The following DISP3 variants were observed in gnomAD, a reference collection of about 807,000 sequenced individuals.
The protein encoded by DISP3 is protein dispatched homolog 3.
A neutral mutation model predicts 135.3 loss-of-function variants in DISP3; 101 were observed. The observed-to-expected ratio is 0.75, with a 90% CI of 0.64 to 0.88. The LOEUF (loss-of-function observed/expected upper bound fraction) is 0.88, where lower values mean the gene tolerates loss of function less well. Ranked by LOEUF, DISP3 falls within the 40% of genes least tolerant of loss-of-function variation. The pLI, the probability that DISP3 is intolerant of heterozygous loss-of-function variation, is 0.00. For synonymous variants in DISP3, 856 were observed against 817.0 expected (o/e 1.05, Z -0.81); for missense variants, 1,713 against 1,878.6 (o/e 0.91, Z 1.63).
At chr1:11,492,971 TC>T (rs1641230262) in intron 1 of DISP3, among the ~76,000 whole-genome samples, 1 of 152,202 alleles carries the variant, frequency 6.6e-6, no homozygotes, top group Non-Finnish European at 1.5e-5. Context: ...AGGATGGGGC[TC>T]CCTGCTTCAC....
chr1:11,501,142 C>T lies in DISP3; in HGVS notation c.150C>T (p.Pro50=), dbSNP rs1387280848. 1.9e-6 allele frequency: 3 copies of T among 1,613,898 alleles called. No individual in the cohort carries two copies. The highest frequency in any genetic ancestry group is 2.2e-5 in the East Asian group (1 of 44,864). ...AGGQCCWRHW[P]LASRPPASGF... is the part of the protein sequence containing the mutation. ...GACAGTGTTGCTGGCGGCACTGGCC[C>T]CTGGCTTCCCGACCCCCAGCTTCGG... The change falls in exon 2 of 21, where the codon CCC becomes CCT. Residue 50 remains proline (P), a synonymous_variant. Transcript: ENST00000294484. The surrounding 1 kb of genome is among the most constrained non-coding windows in gnomAD (Gnocchi z 4.9).
intron 1 of DISP3, among the ~76,000 whole-genome samples, chr1:11,487,151 G>A (rs1198713012): frequency 6.6e-6 from 1 of 152,228 alleles, no homozygotes; most frequent in Non-Finnish European, 1.5e-5. Context: ...ATGGACAAAG[G>A]GAAGGGTCCT....
Position 11,502,498 on chromosome 1 carries a change from G to A in DISP3, c.1097-180G>A, listed in dbSNP as rs189065289. Among the ~76,000 whole-genome samples, 498 of 152,282 alleles carry A rather than the reference G, an allele frequency of 3.3e-3. 17 individuals are homozygous for A. The highest frequency in any genetic ancestry group is 0.03 in the Admixed American group (463 of 15,294). ...TTCGTTTTAGGTAAATTAGGGATGG[G>A]GCTTGAGGAAGGGTGGGGCAGGGTC... On this transcript the variant is annotated intron_variant, in intron 2 of 20. Transcript: ENST00000294484.
Position 11,531,156 on chromosome 1 carries a change from G to A in DISP3, c.3229+123G>A, listed in dbSNP as rs1317144520. 1 of 1,462,292 alleles carries A rather than the reference G, an allele frequency of 6.8e-7. No homozygotes were observed. Among genetic ancestry groups the A allele is most frequent in the Non-Finnish European group, 9.3e-7 (1 of 1,080,614 alleles). 90.6% of individuals were successfully genotyped at this position (1,462,292 alleles called of 1,614,324 possible). A position where few individuals can be genotyped will look rare whatever the true frequency, so the allele number is the denominator to read the frequency against. Reference sequence around the variant, plus strand: ...GTCTGGCATGTGGGGGTCTTTTGCAGATGTGTATCTGTGCTGAGCATGTCC... The same window carrying A: ...GTCTGGCATGTGGGGGTCTTTTGCAAATGTGTATCTGTGCTGAGCATGTCC... On this transcript the variant is annotated intron_variant, in intron 16 of 20. Coordinates refer to ENST00000294484, the MANE Select transcript of DISP3 (RefSeq NM_020780.2). This position sits in a 1 kb window ranked among gnomAD's most constrained non-coding sequence, Gnocchi z 5.2.
At chr1:11,525,337 A>G (rs1642382583) in intron 12 of DISP3, 25 bp downstream of exon 12, 1 of 1,602,040 alleles carries the variant, frequency 6.2e-7, no homozygotes, top group African/African-American at 1.3e-5. Flanking sequence ...TCGTGAAGTG[A>G]GCCGCCACCA....
chr1:11,485,407 G>A (rs1641011168), intron 1 of DISP3, among the ~76,000 whole-genome samples: 1 of 152,224 alleles, frequency 6.6e-6, no homozygotes, highest in East Asian at 1.9e-4. Flanking sequence ...TGGATGATGT[G>A]TCCTTTGCCA....
intron 3 of DISP3, among the ~76,000 whole-genome samples, chr1:11,507,142 TTCCTCCAGAGA>T (rs1323388285): frequency 6.6e-6 from 1 of 152,162 alleles, no homozygotes; most frequent in East Asian, 1.9e-4. Flanking sequence ...ACGATGTTAT[TTCCTCCAGAGA>T]AAATTTATCC....
intron 6 of DISP3, among the ~76,000 whole-genome samples, 193 bp from the exon 7 acceptor site, chr1:11,517,270 C>G (rs1168175314): frequency 6.6e-6 from 1 of 152,220 alleles, no homozygotes; most frequent in Non-Finnish European, 1.5e-5. Flanking sequence ...CTGCTGTGTC[C>G]TCTGACACCA....
chr1:11,534,969 C>T (rs748721067), intron 18 of DISP3, 42 bp from the exon 19 acceptor site: 13 of 1,512,848 alleles, frequency 8.6e-6, no homozygotes, highest in African/African-American at 2.7e-5. Flanking sequence ...TTGCTGCGAC[C>T]GCCCACACAG....
In DISP3 at chr1:11,522,639, A is replaced by AGCCAGAGCCCAGCCAGG. The variant is rs1642246832; in HGVS notation, c.2363-1300_2363-1299insAGAGCCCAGCCAGGGCC. Among the ~76,000 whole-genome samples, 2 of 50,084 alleles carry AGCCAGAGCCCAGCCAGG rather than the reference A, an allele frequency of 4.0e-5. 1 individual carries two copies. Among genetic ancestry groups the AGCCAGAGCCCAGCCAGG allele is most frequent in the African/African-American group, 1.7e-4 (2 of 11,540 alleles). The allele number at this position is 50,084 out of a possible 152,430, so 32.9% of individuals were successfully genotyped here. ...CAGGACCCAGCCAGAGCCCAGCCAG[A>AGCCAGAGCCCAGCCAGG]GCCCAGCCAGGGCCCAGCCAGAGCC... is the stretch of plus-strand genomic sequence containing the variant. On this transcript the variant is annotated intron_variant, in intron 10 of 20. Coordinates refer to ENST00000294484, the MANE Select transcript of DISP3 (RefSeq NM_020780.2).
chr1:11,520,775 T>C lies in DISP3; in HGVS notation c.2289T>C (p.Asp763=), dbSNP rs748827868. ...GGGCCCCGCTACTCTTCCGGCCTGA[T>C]ACCAACATCCAGGTGCTGCTGGACC... is the stretch of plus-strand genomic sequence containing the variant. The part of the protein sequence containing the change: ...ASRAPLLFRP[D]TNIQVLLDLK... Residue 763 remains aspartate (D), a synonymous_variant, in exon 10 of 21, where the codon GAT becomes GAC. Transcript: ENST00000294484. This position sits in a 1 kb window ranked among gnomAD's most constrained non-coding sequence, Gnocchi z 4.8. The C allele has an allele frequency of 6.2e-7, 1 of 1,613,566 alleles. No individual in the cohort carries two copies. Among genetic ancestry groups the C allele is most frequent in the Non-Finnish European group, 8.5e-7 (1 of 1,179,986 alleles).
Position 11,501,130 on chromosome 1 carries a change from G to A in DISP3, c.138G>A (p.Trp46Ter). The change falls in exon 2 of 21, where the codon TGG (tryptophan) becomes TGA (stop). Residue 46 changes from tryptophan to a stop codon, truncating the protein, a stop_gained. Transcript: ENST00000294484. LOFTEE classifies it high-confidence loss of function. The surrounding 1 kb of genome is among the most constrained non-coding windows in gnomAD (Gnocchi z 4.9). ...CTGGGGCAGGGGGACAGTGTTGCTG[G>A]CGGCACTGGCCCCTGGCTTCCCGAC... The part of the protein sequence containing the change: ...PQPGAGGQCC[W>*]RHWPLASRPP... 6.2e-7 allele frequency: 1 copy of A among 1,613,890 alleles called. No homozygotes were observed. The highest frequency in any genetic ancestry group is 8.5e-7 in the Non-Finnish European group (1 of 1,179,894).
At chr1:11,514,046 G>A (rs1641930872) in intron 3 of DISP3, among the ~76,000 whole-genome samples, 1 of 152,046 alleles carries the variant, frequency 6.6e-6, no homozygotes, top group Non-Finnish European at 1.5e-5. Context: ...TTTAGAACTT[G>A]GCCATAGATA....
rs760164658 is a variant in DISP3, at chr1:11,531,709, C to T, written c.3374C>T (p.Ser1125Leu). 4.4e-6 allele frequency: 7 copies of T among 1,596,876 alleles called. No individual in the cohort carries two copies. The highest frequency in any genetic ancestry group is 1.7e-5 in the Admixed American group (1 of 58,958). Residue 1125 changes from serine (S) to leucine (L), a missense_variant and splice_region_variant, in exon 17 of 21, where the codon TCG becomes TTG. Coordinates refer to ENST00000294484, the MANE Select transcript of DISP3 (RefSeq NM_020780.2). The surrounding 1 kb of genome is among the most constrained non-coding windows in gnomAD (Gnocchi z 5.2). ...RVQWISMAFE[S>L]TTYKGKSSFQ... ...CAGTGGATCTCCATGGCTTTCGAGT[C>T]GGTGAGCCCAGGCAGCCTCACTGGG...
At chr1:11,495,647 G>C (rs1641311118) in intron 1 of DISP3, among the ~76,000 whole-genome samples, 1 of 152,162 alleles carries the variant, frequency 6.6e-6, no homozygotes, top group Admixed American at 6.5e-5. Flanking sequence ...CATTGGACAA[G>C]GTATACTCAG....
At position 11,501,022 on chromosome 1, in the gene DISP3, G is replaced by C. The variant is rs770578769; in HGVS notation, c.30G>C (p.Gln10His). 2.5e-6 allele frequency: 4 copies of C among 1,614,006 alleles called. No homozygotes were observed. The highest frequency in any genetic ancestry group is 3.4e-6 in the Non-Finnish European group (4 of 1,180,036). MDTEDDPLL[Q>H]DVWLEEEQEE... ...ACACGGAGGATGACCCCTTGCTGCA[G>C]GATGTGTGGCTAGAGGAGGAGCAGG... The change falls in exon 2 of 21, where the codon CAG (glutamine) becomes CAC (histidine). Residue 10 changes from glutamine to histidine, a missense_variant. Physicochemically the swap from Gln to His is conservative, Grantham distance 24 (BLOSUM62 0). This residue lies in a region of DISP3 where 571 missense variants were observed against 494.1 expected (regional missense o/e 1.16). Transcript: ENST00000294484. This position sits in a 1 kb window ranked among gnomAD's most constrained non-coding sequence, Gnocchi z 4.9.
At position 11,536,593 on chromosome 1, in the gene DISP3, C is replaced by T. The variant is rs550863336; in HGVS notation, c.4086C>T (p.Ala1362=). ...TRTSFLKALG[A]VLLAGALGLG... ...CTTCCTTCCTCAAGGCCCTGGGTGC[C>T]GTGCTGCTGGCAGGGGCCCTGGGGC... The change falls in exon 21 of 21, where the codon GCC becomes GCT. Residue 1362 remains alanine, a synonymous_variant. Transcript: ENST00000294484. The surrounding 1 kb of genome is among the most constrained non-coding windows in gnomAD (Gnocchi z 4.3). The T allele has an allele frequency of 1.0e-4, 164 of 1,611,662 alleles. No homozygotes were observed. Among genetic ancestry groups the T allele is most frequent in the African/African-American group, 1.2e-4 (9 of 75,012 alleles).
At chr1:11,530,840 T>G (rs1570148335) in intron 15 of DISP3, 67 bp from the exon 16 acceptor site, 1 of 1,590,258 alleles carries the variant, frequency 6.3e-7, no homozygotes, top group Admixed American at 1.7e-5. Context: ...GGGTTGGGGG[T>G]GAGCACCCAG....
intron 13 of DISP3, 60 bp downstream of exon 13, chr1:11,526,895 C>T: frequency 6.6e-7 from 1 of 1,521,916 alleles, no homozygotes; most frequent in South Asian, 1.2e-5. Context: ...TTGCCCTTTT[C>T]TCTCTTTTCT....
Sources: gnomAD v4.1 joint callset for allele counts (sites outside exome capture counted in the v4.1 genomes callset) on GRCh38, gnomAD v4.1.1 for gene constraint, gnomAD v4.1.1 regional missense constraint, Gnocchi (gnomAD v3.1) non-coding constraint, MANE v1.5 for transcripts, NCBI Gene and HGNC (gene_info 2026-07-23, HGNC 2026-07-21) for gene names.